SYT1: variants seen among roughly 807,000 people sequenced by gnomAD.
SYT1 encodes the protein synaptotagmin-1.
SYT1 carries 8 observed loss-of-function variants against 44.8 expected under a neutral mutation model. The ratio of observed to expected loss-of-function variants is 0.18; its 90% confidence interval spans 0.10 to 0.32. SYT1 has a LOEUF of 0.32. Among genes scored for constraint, SYT1 ranks in the 10% least tolerant of loss-of-function variants. The probability of loss-of-function intolerance (pLI) is 1.00; values close to 1 mark genes in which losing one functional copy is unlikely to be tolerated. For synonymous variants in SYT1, 154 were observed against 188.8 expected (o/e 0.82, Z 1.51); for missense variants, 286 against 509.3 (o/e 0.56, Z 4.22).
intron 4 of SYT1, among the ~76,000 whole-genome samples, chr12:79,224,763 A>T (rs1025490005): frequency 1.6e-4 from 2 of 12,414 alleles, no homozygotes; most frequent in Non-Finnish European, 3.2e-4. Flanking sequence ...TATTATTATT[A>T]TTATTATTAT....
chr12:78,877,283 C>T (rs1465570213), intron 1 of SYT1, among the ~76,000 whole-genome samples: 1 of 151,188 alleles, frequency 6.6e-6, no homozygotes, highest in African/African-American at 2.4e-5. Context: ...AGGGGAACTC[C>T]CCTTTATAAA....
At chr12:79,233,918 A>G (rs1427634246) in intron 4 of SYT1, among the ~76,000 whole-genome samples, 1 of 152,148 alleles carries the variant, frequency 6.6e-6, no homozygotes, top group African/African-American at 2.4e-5. Context: ...TCCATTGGAG[A>G]TTGATGCCGC....
intron 3 of SYT1, among the ~76,000 whole-genome samples, chr12:79,102,092 C>T (rs1878477917): frequency 1.3e-5 from 2 of 152,118 alleles, no homozygotes; most frequent in Non-Finnish European, 2.9e-5. Flanking sequence ...TTATCGCCTC[C>T]TAATTGGTCT....
Position 79,364,027 on chromosome 12 carries a change from C to A in SYT1, c.928+10408C>A, listed in dbSNP as rs149533448. ...AAATTTTTAAATTCCACTAATCTAA[C>A]TGATTATTTTGTCTTCATCTTCCAA... On this transcript the variant is annotated intron_variant, in intron 9 of 10. Transcript: ENST00000261205. Among the ~76,000 whole-genome samples, 1,249 of 152,220 alleles carry A rather than the reference C, an allele frequency of 8.2e-3. 12 individuals are homozygous for A. The highest frequency in any genetic ancestry group is 0.028 in the African/African-American group (1,153 of 41,522).
chr12:79,154,127 A>C (rs1019136698), intron 3 of SYT1, among the ~76,000 whole-genome samples: 19 of 152,074 alleles, frequency 1.2e-4, no homozygotes, highest in African/African-American at 4.6e-4. Flanking sequence ...TCATGTTACT[A>C]CTAACCTGAT....
intron 3 of SYT1, among the ~76,000 whole-genome samples, chr12:79,153,677 A>T (rs1343265267): frequency 6.6e-6 from 1 of 152,180 alleles, no homozygotes; most frequent in East Asian, 1.9e-4. Flanking sequence ...AGTGGACTTC[A>T]TAGATGATAA....
At position 78,864,853 on chromosome 12, in the gene SYT1, A is replaced by C. The variant is rs1300232622; in HGVS notation, c.-473A>C. The C allele has an allele frequency of 6.4e-6, 1 of 157,474 alleles. No homozygotes were observed. The highest frequency in any genetic ancestry group is 2.4e-5 in the African/African-American group (1 of 41,490). 9.8% of individuals were successfully genotyped at this position (157,474 alleles called of 1,614,324 possible). ...GGCAACTTGAGGCTGCACCCCGGGC[A>C]AGTCCCCAGGGTGGTGCTCAGCCGA... On this transcript the variant is annotated 5_prime_UTR_variant, in exon 1 of 11. Transcript: ENST00000261205.
chr12:79,256,655 G>A (rs1357578077), intron 4 of SYT1, among the ~76,000 whole-genome samples: 4 of 151,494 alleles, frequency 2.6e-5, no homozygotes, highest in Admixed American at 6.7e-5. Flanking sequence ...TTTGATGAAG[G>A]GAGATACACT....
intron 2 of SYT1, among the ~76,000 whole-genome samples, chr12:79,002,904 A>C (rs996093017): frequency 6.6e-6 from 1 of 152,074 alleles, no homozygotes; most frequent in Non-Finnish European, 1.5e-5. Flanking sequence ...AATGAGTACA[A>C]GGATCTTTTA....
chr12:79,006,277 C>A lies in SYT1; in HGVS notation c.-84+28346C>A, dbSNP rs1026272534. On this transcript the variant is annotated intron_variant, in intron 2 of 10. Coordinates refer to ENST00000261205, the MANE Select transcript of SYT1 (RefSeq NM_005639.3). Reference sequence around the variant, plus strand: ...GGTTTGGGAATTAAAGTATTAGATTCGGTCATCAAAGGAATGCTTGGTTAA... The same window carrying A: ...GGTTTGGGAATTAAAGTATTAGATTAGGTCATCAAAGGAATGCTTGGTTAA... 2.0e-4 allele frequency among the ~76,000 whole-genome samples: 31 copies of A among 152,178 alleles called. 1 individual carries two copies. The highest frequency in any genetic ancestry group is 7.5e-4 in the African/African-American group (31 of 41,538).
chr12:79,306,553 G>C (rs1880407231), intron 8 of SYT1, among the ~76,000 whole-genome samples: 1 of 152,168 alleles, frequency 6.6e-6, no homozygotes, highest in African/African-American at 2.4e-5. Context: ...AATGCTTTGA[G>C]CATTAACATC....
intron 9 of SYT1, among the ~76,000 whole-genome samples, chr12:79,409,702 A>AT (rs1350365640): frequency 4.6e-5 from 7 of 152,056 alleles, no homozygotes; most frequent in African/African-American, 1.7e-4. Context: ...GCTTGAAGGC[A>AT]TAGACATTCC....
intron 3 of SYT1, among the ~76,000 whole-genome samples, chr12:79,133,496 T>C (rs1185345329): frequency 6.6e-6 from 1 of 152,190 alleles, no homozygotes; most frequent in Non-Finnish European, 1.5e-5. Flanking sequence ...TATGCATGTA[T>C]CAAAATATCA....
chr12:78,953,630 T>C (rs146980064), intron 1 of SYT1, among the ~76,000 whole-genome samples: 2 of 152,054 alleles, frequency 1.3e-5, no homozygotes, highest in African/African-American at 4.8e-5. Flanking sequence ...GCAAACACAA[T>C]TTTTTGTAAA....
At chr12:79,308,551 A>AGAAAG (rs1555216036) in intron 8 of SYT1, among the ~76,000 whole-genome samples, 10 of 148,982 alleles carry the variant, frequency 6.7e-5, no homozygotes, top group African/African-American at 2.6e-4. Flanking sequence ...AAAGAAAGAA[A>AGAAAG]AAAGAAAGAA....
chr12:79,229,516 C>T (rs867725955), intron 4 of SYT1, among the ~76,000 whole-genome samples: 1 of 151,986 alleles, frequency 6.6e-6, no homozygotes, highest in African/African-American at 2.4e-5. Flanking sequence ...CTACCGTGTA[C>T]GTGTGTTTTA....
At chr12:79,405,760 T>A (rs1258381258) in intron 9 of SYT1, among the ~76,000 whole-genome samples, 2 of 152,130 alleles carry the variant, frequency 1.3e-5, no homozygotes, top group African/African-American at 4.8e-5. Context: ...CAGGGACCTG[T>A]GTTTTTTCCT....
At chr12:79,234,436 G>A (rs1382913044) in intron 4 of SYT1, among the ~76,000 whole-genome samples, 1 of 152,104 alleles carries the variant, frequency 6.6e-6, no homozygotes, top group Non-Finnish European at 1.5e-5. Flanking sequence ...CTCTAGTTAT[G>A]GGCAGTTATT....
At chr12:79,241,243 G>C (rs1876491687) in intron 4 of SYT1, among the ~76,000 whole-genome samples, 1 of 147,510 alleles carries the variant, frequency 6.8e-6, no homozygotes, top group Non-Finnish European at 1.5e-5. Context: ...GTTTACTGAG[G>C]AATGATTTGC....
Sources: allele counts gnomAD v4.1 joint callset (sites outside exome capture counted in the v4.1 genomes callset), GRCh38; gene constraint gnomAD v4.1.1; transcripts MANE v1.5; gene names NCBI Gene and HGNC (gene_info 2026-07-23, HGNC 2026-07-21).